SCHIP1: variants seen among roughly 807,000 people sequenced by gnomAD.
SCHIP1 encodes the protein schwannomin interacting protein 1.
A neutral mutation model predicts 29.7 loss-of-function variants in SCHIP1; 8 were observed. The ratio of observed to expected loss-of-function variants is 0.27; its 90% CI spans 0.16 to 0.49. SCHIP1 has a LOEUF of 0.49. SCHIP1 is among the 20% of genes least tolerant of loss of function. The pLI, the probability that SCHIP1 is intolerant of heterozygous loss-of-function variation, is 0.99. For synonymous variants in SCHIP1, 76 were observed against 94.9 expected (o/e 0.80, Z 1.16); for missense variants, 193 against 294.6 (o/e 0.66, Z 2.52).
chr3:159,503,613 CAG>C, the SCHIP1 span, among the ~76,000 whole-genome samples: 1 of 152,182 alleles, frequency 6.6e-6, no homozygotes, highest in Non-Finnish European at 1.5e-5. Flanking sequence ...ATATGCTATT[CAG>C]AGTGTTTAGC....
At chr3:159,604,514 C>G in the SCHIP1 span, among the ~76,000 whole-genome samples, 1 of 152,112 alleles carries the variant, frequency 6.6e-6, no homozygotes, top group Non-Finnish European at 1.5e-5. Flanking sequence ...GGCACTGTGC[C>G]AGGGGCTGGA....
At chr3:159,710,226 C>T in the SCHIP1 span, among the ~76,000 whole-genome samples, 3 of 151,694 alleles carry the variant, frequency 2.0e-5, no homozygotes, top group Non-Finnish European at 2.9e-5. Context: ...TTTTTTAATA[C>T]GCTAGATATA....
chr3:159,680,529 G>GTATATATATAATA, the SCHIP1 span, among the ~76,000 whole-genome samples: 4 of 109,026 alleles, frequency 3.7e-5, no homozygotes, highest in African/African-American at 1.5e-4. Context: ...ATATATATAT[G>GTATATATATAATA]TATATAATAT....
chr3:159,772,190 G>C, the SCHIP1 span, among the ~76,000 whole-genome samples: 1 of 151,900 alleles, frequency 6.6e-6, no homozygotes, highest in African/African-American at 2.4e-5. Context: ...TCGCTCTGTC[G>C]CCCAGGCTGC....
chr3:159,856,993 C>G (rs1054478614), intron 1 of SCHIP1, among the ~76,000 whole-genome samples: 1 of 152,218 alleles, frequency 6.6e-6, no homozygotes, highest in Non-Finnish European at 1.5e-5. Flanking sequence ...GCTGAATACG[C>G]TTGAAGAACC....
At chr3:159,681,230 G>A in the SCHIP1 span, among the ~76,000 whole-genome samples, 1 of 151,402 alleles carries the variant, frequency 6.6e-6, no homozygotes, top group Non-Finnish European at 1.5e-5. Flanking sequence ...CACAGCCACA[G>A]TTTCCAGAAT....
At chr3:159,725,706 T>A in the SCHIP1 span, among the ~76,000 whole-genome samples, 1 of 152,244 alleles carries the variant, frequency 6.6e-6, no homozygotes, top group Non-Finnish European at 1.5e-5. Flanking sequence ...CTGCCACAGG[T>A]ACCACTGGCA....
At chr3:159,528,429 A>G in the SCHIP1 span, among the ~76,000 whole-genome samples, 12 of 152,172 alleles carry the variant, frequency 7.9e-5, no homozygotes, top group Non-Finnish European at 1.2e-4. Flanking sequence ...TGAAGGAAAA[A>G]GGGCCAGCTG....
chr3:159,839,628 C>CTTTTTTTTTTTTTTT (rs3068349), upstream of SCHIP1, among the ~76,000 whole-genome samples: 1 of 71,770 alleles, frequency 1.4e-5, no homozygotes, highest in Non-Finnish European at 2.4e-5. Context: ...AGGTCTTTTT[C>CTTTTTTTTTTTTTTT]TTTTTTTTTT....
the SCHIP1 span, among the ~76,000 whole-genome samples, chr3:159,606,172 AT>A: frequency 6.6e-6 from 1 of 152,144 alleles, no homozygotes; most frequent in African/African-American, 2.4e-5. Flanking sequence ...CAACGTTCAG[AT>A]TTTACGGACT....
chr3:159,503,626 C>T, the SCHIP1 span, among the ~76,000 whole-genome samples: 1 of 152,092 alleles, frequency 6.6e-6, no homozygotes, highest in Admixed American at 6.6e-5. Flanking sequence ...AGTGTTTAGC[C>T]ACATGAGTGG....
At chr3:159,363,853 C>T in the SCHIP1 span, among the ~76,000 whole-genome samples, 1 of 152,180 alleles carries the variant, frequency 6.6e-6, no homozygotes, top group African/African-American at 2.4e-5. Context: ...TAATGATAAC[C>T]AGTTCTATTT....
chr3:159,395,625 T>C, the SCHIP1 span, among the ~76,000 whole-genome samples: 5 of 152,084 alleles, frequency 3.3e-5, no homozygotes, highest in African/African-American at 7.2e-5. Context: ...TGTAGTTGAG[T>C]GGTTTTGAGT....
chr3:159,314,833 TA>T, the SCHIP1 span, among the ~76,000 whole-genome samples: 2 of 152,256 alleles, frequency 1.3e-5, no homozygotes, highest in Admixed American at 6.5e-5. Context: ...CAATGGCTTA[TA>T]GCTGATATCA....
chr3:159,549,782 C>T, the SCHIP1 span, among the ~76,000 whole-genome samples: 1 of 152,096 alleles, frequency 6.6e-6, no homozygotes, highest in East Asian at 1.9e-4. Context: ...AGCCATAAAA[C>T]CAGGCAACTC....
the SCHIP1 span, chr3:159,765,418 T>G: frequency 5.2e-6 from 2 of 384,912 alleles, no homozygotes; most frequent in Non-Finnish European, 4.6e-6. Flanking sequence ...TTTAATGGAA[T>G]TACTTATGGA....
chr3:159,552,657 A>G, the SCHIP1 span, among the ~76,000 whole-genome samples: 9 of 152,230 alleles, frequency 5.9e-5, no homozygotes, highest in Non-Finnish European at 1.3e-4. Context: ...GTGTTTTTAA[A>G]AACACTTAAT....
At chr3:159,304,675 TC>T in the SCHIP1 span, among the ~76,000 whole-genome samples, 1 of 152,228 alleles carries the variant, frequency 6.6e-6, no homozygotes, top group East Asian at 1.9e-4. Context: ...CATTTACTTA[TC>T]TTGCTGGCAT....
chr3:159,548,657 G>A, the SCHIP1 span, among the ~76,000 whole-genome samples: 7 of 151,482 alleles, frequency 4.6e-5, no homozygotes, highest in South Asian at 2.1e-4. Flanking sequence ...GTTTACTTAC[G>A]CTTTCACCTG....
Sources: allele counts gnomAD v4.1 joint callset (sites outside exome capture counted in the v4.1 genomes callset), GRCh38; gene constraint gnomAD v4.1.1; transcripts MANE v1.5; gene names NCBI Gene and HGNC (gene_info 2026-07-23, HGNC 2026-07-21).